Variants in ESPL1 observed in about 807,000 individuals in gnomAD.
ESPL1 encodes the protein separin.
Under a neutral mutation model 217.2 loss-of-function variants are expected in ESPL1, and 50 were observed. The ratio of observed to expected loss-of-function variants is 0.23; its 90% CI spans 0.18 to 0.29. The LOEUF (loss-of-function observed/expected upper bound fraction) is 0.29, where lower values mean the gene tolerates loss of function less well. ESPL1 is among the 10% of genes least tolerant of loss of function. ESPL1 has a pLI of 1.00. For synonymous variants in ESPL1, 994 were observed against 1,081.3 expected (o/e 0.92, Z 1.58); for missense variants, 1,834 against 2,603.0 (o/e 0.70, Z 6.43).
At chr12:53,290,591 G>A (rs1565765519) in intron 24 of ESPL1, 122 bp downstream of exon 24, 1 of 886,036 alleles carries the variant, frequency 1.1e-6, no homozygotes, top group African/African-American at 1.8e-5. Flanking sequence ...TGGAAGTGTA[G>A]ACCTAAATTT....
intron 19 of ESPL1, 46 bp from the exon 20 acceptor site, chr12:53,288,492 T>G: frequency 6.4e-7 from 1 of 1,574,528 alleles, no homozygotes. Context: ...ACAAAGAGAA[T>G]GGCAGGGGGA....
intron 6 of ESPL1, 30 bp downstream of exon 6, chr12:53,272,887 A>C: frequency 6.2e-7 from 1 of 1,610,660 alleles, no homozygotes; most frequent in South Asian, 1.1e-5. Flanking sequence ...GCAGGAAAGG[A>C]GCTTATGTGG....
intron 18 of ESPL1, chr12:53,287,204 C>T (rs1432965454): frequency 1.2e-5 from 3 of 256,974 alleles, no homozygotes; most frequent in African/African-American, 2.3e-5. Flanking sequence ...TCCCGAGTAG[C>T]TGGGACTACA....
At chr12:53,276,234 G>T (rs1047327467) in intron 7 of ESPL1, among the ~76,000 whole-genome samples, 2 of 152,136 alleles carry the variant, frequency 1.3e-5, no homozygotes, top group African/African-American at 4.8e-5. Flanking sequence ...ACTCAGGGAA[G>T]AGAATTCCTT....
intron 24 of ESPL1, 100 bp downstream of exon 24, chr12:53,290,569 T>G: frequency 7.9e-7 from 1 of 1,272,554 alleles, no homozygotes; most frequent in Non-Finnish European, 1.1e-6. Flanking sequence ...TAAAGCCACT[T>G]CAAATCCCTT....
At position 53,292,014 on chromosome 12, in the gene ESPL1, C is replaced by T; in HGVS notation, c.5722C>T (p.Pro1908Ser). 1 of 1,614,054 alleles carries T rather than the reference C, an allele frequency of 6.2e-7. No individual in the cohort carries two copies. The highest frequency in any genetic ancestry group is 8.5e-7 in the Non-Finnish European group (1 of 1,179,978). ...DLQKLPWESM[P>S]SLQALPVTRL... Reference sequence around the variant, plus strand: ...GCAGAAGCTGCCGTGGGAAAGCATGCCCAGCCTCCAAGCACTGCCTGTCAC... The same window carrying T: ...GCAGAAGCTGCCGTGGGAAAGCATGTCCAGCCTCCAAGCACTGCCTGTCAC... Residue 1908 changes from proline (P) to serine (S), a missense_variant, in exon 27 of 31, where the codon CCC becomes TCC. Coordinates refer to ENST00000257934, the MANE Select transcript of ESPL1 (RefSeq NM_012291.5). This position sits in a 1 kb window ranked among gnomAD's most constrained non-coding sequence, Gnocchi z 4.5.
intron 12 of ESPL1, among the ~76,000 whole-genome samples, chr12:53,280,488 C>T (rs1375127258): frequency 6.6e-6 from 1 of 151,988 alleles, no homozygotes; most frequent in Non-Finnish European, 1.5e-5. Flanking sequence ...TCCACGTCAC[C>T]CTCCCGAGTA....
rs1435822600 is a variant in ESPL1 at position 53,282,687 on chromosome 12, G to C, written c.2791+252G>C. ...TTTTTTTCTAAGACGGAGTTTCGCT[G>C]TTGTCACCCAGGCTGGAGTGCAATG... is the stretch of plus-strand genomic sequence containing the variant. On this transcript the variant is annotated intron_variant, in intron 14 of 30. Transcript: ENST00000257934. This position sits in a 1 kb window ranked among gnomAD's most constrained non-coding sequence, Gnocchi z 4.0. 6.6e-6 allele frequency among the ~76,000 whole-genome samples: 1 copy of C among 152,114 alleles called. No individual in the cohort carries two copies. The highest frequency in any genetic ancestry group is 1.5e-5 in the Non-Finnish European group (1 of 68,034).
At chr12:53,280,595 C>T (rs142405569) in intron 12 of ESPL1, among the ~76,000 whole-genome samples, 2,465 of 152,180 alleles carry the variant, frequency 0.016, 30 homozygotes, top group South Asian at 0.054. Flanking sequence ...TCTTGAACTC[C>T]TGGGCTCAAG....
rs775915948 is a variant in ESPL1, at chr12:53,283,159, A to C, written c.2822A>C (p.Asp941Ala). The change falls in exon 15 of 31, where the codon GAC becomes GCC. Residue 941 changes from aspartate to alanine, a missense_variant. Physicochemically the swap from Asp to Ala is moderately radical, Grantham distance 126. Coordinates refer to ENST00000257934, the MANE Select transcript of ESPL1 (RefSeq NM_012291.5). Reference protein sequence around the residue: ...GWQTPEIALIDSHKLLRSIIL... With the variant: ...GWQTPEIALIASHKLLRSIIL... ...CAGACACCTGAGATAGCTCTCATAG[A>C]CTCCCATAAGCTCCTCCGAAGCATC... 6.2e-7 allele frequency: 1 copy of C among 1,614,070 alleles called. No individual in the cohort carries two copies. The highest frequency in any genetic ancestry group is 2.2e-5 in the East Asian group (1 of 44,876).
intron 16 of ESPL1, among the ~76,000 whole-genome samples, 197 bp downstream of exon 16, chr12:53,283,735 T>G (rs1943901901): frequency 6.6e-6 from 1 of 152,200 alleles, no homozygotes; most frequent in African/African-American, 2.4e-5. Context: ...GACTCTCGTG[T>G]CCTTCAGTAT....
intron 11 of ESPL1, among the ~76,000 whole-genome samples, chr12:53,278,501 G>T (rs1592484829): frequency 1.6e-5 from 2 of 121,370 alleles, no homozygotes; most frequent in East Asian, 5.1e-4. Context: ...AAAAAAAAAA[G>T]TTAGCTTTAA....
At position 53,272,916 on chromosome 12, in the gene ESPL1, G is replaced by T. The variant is rs372220082; in HGVS notation, c.1506+59G>T. ...TATGTGGTTGGGGAGCGGGGGGAGC[G>T]GGGAAGGGCCTCACCAGCACCCTGC... On this transcript the variant is annotated intron_variant, in intron 6 of 30. Coordinates refer to ENST00000257934, the MANE Select transcript of ESPL1 (RefSeq NM_012291.5). The T allele has an allele frequency of 3.5e-5, 55 of 1,590,298 alleles. 1 individual carries two copies. The East Asian group carries it at 5.8e-4, about 17-fold the overall frequency.
At chr12:53,285,222 G>A (rs1180775403) in intron 17 of ESPL1, among the ~76,000 whole-genome samples, 1 of 152,048 alleles carries the variant, frequency 6.6e-6, no homozygotes. Flanking sequence ...TATACTTCTA[G>A]TACTTCATTT....
rs774136876 is a variant in ESPL1 at position 53,269,968 on chromosome 12, C to T, written c.1026C>T (p.Phe342=). The T allele has an allele frequency of 5.0e-6, 8 of 1,614,192 alleles. No homozygotes were observed. Among genetic ancestry groups the T allele is most frequent in the Non-Finnish European group, 6.8e-6 (8 of 1,180,038 alleles). ...PLRALYESCQ[F]FLSGLERGTK... is the part of the protein sequence containing the mutation. ...GGGCATTGTATGAGAGCTGCCAGTT[C>T]TTCCTTTCAGGCCTGGAACGAGGCA... Residue 342 remains phenylalanine (F), a synonymous_variant, in exon 3 of 31, where the codon TTC becomes TTT. Coordinates refer to ENST00000257934, the MANE Select transcript of ESPL1 (RefSeq NM_012291.5). The surrounding 1 kb of genome is among the most constrained non-coding windows in gnomAD (Gnocchi z 6.7).
rs778524493 is a variant in ESPL1 at position 53,270,081 on chromosome 12, A to C, written c.1139A>C (p.Asp380Ala). 3.7e-6 allele frequency: 6 copies of C among 1,604,818 alleles called. No individual in the cohort carries two copies. The highest frequency in any genetic ancestry group is 1.7e-6 in the Non-Finnish European group (2 of 1,175,354). Residue 380 changes from aspartate (D) to alanine (A), a missense_variant, in exon 3 of 31, where the codon GAT becomes GCT. Transcript: ENST00000257934. ...TCTCTTCTGCAGCAGCTGCGGGATG[A>C]TGGTGTGAGTTAAGGACCTGGAGGT... ...YCSLLQQLRD[D>A]GVYGGSSKQQ...
At chr12:53,289,033 C>G in intron 20 of ESPL1, 57 bp from the exon 21 acceptor site, 2 of 1,369,578 alleles carry the variant, frequency 1.5e-6, no homozygotes, top group Non-Finnish European at 1.0e-6. Flanking sequence ...TTGGAAAGTT[C>G]CTATCAACTA....
intron 7 of ESPL1, among the ~76,000 whole-genome samples, chr12:53,275,720 CTG>C (rs958941306): frequency 6.9e-6 from 1 of 144,282 alleles, no homozygotes; most frequent in Non-Finnish European, 1.5e-5. Context: ...CATTTTGTGT[CTG>C]TTCCTTTTTT....
intron 8 of ESPL1, 85 bp downstream of exon 8, chr12:53,276,944 G>A: frequency 6.4e-7 from 1 of 1,565,748 alleles, no homozygotes; most frequent in Non-Finnish European, 8.7e-7. Flanking sequence ...CCTCTCCACA[G>A]CCCTGAGCTC....
Sources: allele counts gnomAD v4.1 joint callset (sites outside exome capture counted in the v4.1 genomes callset), GRCh38; gene constraint gnomAD v4.1.1; non-coding constraint Gnocchi (gnomAD v3.1); transcripts MANE v1.5; gene names NCBI Gene and HGNC (gene_info 2026-07-23, HGNC 2026-07-21).